Variants in TRPC4 observed in about 807,000 individuals in gnomAD.
TRPC4 encodes short transient receptor potential channel 4.
In TRPC4, 49 loss-of-function variants were observed where a neutral mutation model predicts 99.4. The observed-to-expected ratio is 0.49, with a 90% CI of 0.39 to 0.63. The LOEUF (loss-of-function observed/expected upper bound fraction) is 0.63, where lower values mean the gene tolerates loss of function less well. TRPC4 is among the 20% of genes least tolerant of loss of function. The probability of loss-of-function intolerance (pLI) is 0.00; values close to 1 mark genes in which losing one functional copy is unlikely to be tolerated. For synonymous variants in TRPC4, 454 were observed against 425.9 expected (o/e 1.07, Z -0.81); for missense variants, 898 against 1,152.9 (o/e 0.78, Z 3.20).
At chr13:37,757,516 G>A (rs561148259) in intron 2 of TRPC4, among the ~76,000 whole-genome samples, 3 of 151,856 alleles carry the variant, frequency 2.0e-5, no homozygotes, top group South Asian at 2.1e-4. Context: ...AAAATTCGGA[G>A]GACTTTCTGG....
At chr13:37,668,037 G>A (rs867914343) in intron 5 of TRPC4, among the ~76,000 whole-genome samples, 29 of 152,192 alleles carry the variant, frequency 1.9e-4, no homozygotes, top group Admixed American at 1.2e-3. Flanking sequence ...ATCAAGCCAT[G>A]CTAATCCTTT....
intron 2 of TRPC4, among the ~76,000 whole-genome samples, chr13:37,757,162 A>T (rs1332128866): frequency 6.6e-6 from 1 of 152,100 alleles, no homozygotes; most frequent in Admixed American, 6.6e-5. Flanking sequence ...GAAGATAATT[A>T]GACTACTTTT....
intron 3 of TRPC4, among the ~76,000 whole-genome samples, chr13:37,728,208 G>GA (rs58297762): frequency 3.4e-5 from 5 of 146,364 alleles, no homozygotes; most frequent in South Asian, 2.2e-4. Flanking sequence ...ATGTGAAAAA[G>GA]AAAAAAAAAA....
chr13:37,792,723 TTGTGTG>T (rs57918365), intron 1 of TRPC4, among the ~76,000 whole-genome samples: 34,083 of 146,038 alleles, frequency 0.23, 4,014 homozygotes, highest in Middle Eastern at 0.36. Flanking sequence ...GCTTCTAAAT[TTGTGTG>T]TGTGTGTGTG....
At chr13:37,803,450 A>G (rs1957455774) in intron 1 of TRPC4, among the ~76,000 whole-genome samples, 1 of 152,074 alleles carries the variant, frequency 6.6e-6, no homozygotes, top group East Asian at 1.9e-4. Context: ...ACACATCCTT[A>G]CACACACAAA....
chr13:37,830,901 CA>C (rs1322524276), intron 1 of TRPC4, among the ~76,000 whole-genome samples: 1 of 150,470 alleles, frequency 6.6e-6, no homozygotes, highest in Non-Finnish European at 1.5e-5. Flanking sequence ...GAAGTAGTAT[CA>C]TATCATATGA....
At chr13:37,817,825 C>A (rs894362942) in intron 1 of TRPC4, among the ~76,000 whole-genome samples, 2 of 151,950 alleles carry the variant, frequency 1.3e-5, no homozygotes, top group African/African-American at 2.4e-5. Context: ...GGATAATAGG[C>A]TAGCCATATG....
In TRPC4 at chr13:37,653,216, C is replaced by T. The variant is rs543248119; in HGVS notation, c.1885-1757G>A. On this transcript the variant is annotated intron_variant, in intron 7 of 10. Transcript: ENST00000379705. ...AGGGACTTTTTAATTCTTTGTATCC[C>T]GAAAATTAAGCATGTTTATGGCATA... Among the ~76,000 whole-genome samples, 673 of 151,864 alleles carry T rather than the reference C, an allele frequency of 4.4e-3. 2 individuals are homozygous for T. The highest frequency in any genetic ancestry group is 0.015 in the African/African-American group (624 of 41,402).
At chr13:37,720,886 T>A (rs531978022) in intron 3 of TRPC4, among the ~76,000 whole-genome samples, 1 of 152,292 alleles carries the variant, frequency 6.6e-6, no homozygotes, top group South Asian at 2.1e-4. Flanking sequence ...TGCAGTCTAA[T>A]CTCTAAACAC....
At chr13:37,739,929 C>G (rs918096061) in intron 3 of TRPC4, among the ~76,000 whole-genome samples, 3 of 152,038 alleles carry the variant, frequency 2.0e-5, no homozygotes, top group Admixed American at 2.0e-4. Flanking sequence ...TTAGACATCC[C>G]AGATTAAAGA....
In TRPC4 at chr13:37,753,575, A is replaced by G. The variant is rs7491635; in HGVS notation, c.379-7120T>C. ...AGAGAAAGAAAGAGAGAGAGAGAGA[A>G]AGAGAGAGAGAGAGAGAGAGAGAGA... On this transcript the variant is annotated intron_variant, in intron 2 of 10. Coordinates refer to ENST00000379705, the MANE Select transcript of TRPC4 (RefSeq NM_016179.4). Among the ~76,000 whole-genome samples, 1,290 of 137,330 alleles carry G rather than the reference A, an allele frequency of 9.4e-3. 16 individuals are homozygous for G. The highest frequency in any genetic ancestry group is 0.048 in the Middle Eastern group (12 of 252). The allele number at this position is 137,330 out of a possible 152,430, so 90.1% of individuals were successfully genotyped here.
At chr13:37,792,936 T>C (rs778644271) in intron 1 of TRPC4, among the ~76,000 whole-genome samples, 33 of 149,274 alleles carry the variant, frequency 2.2e-4, no homozygotes, top group Non-Finnish European at 3.7e-4. Flanking sequence ...GTTTTTGCTG[T>C]TGTTGCAGTG....
Position 37,746,174 on chromosome 13 carries a change from G to A in TRPC4, c.660C>T (p.Ala220=). The change falls in exon 3 of 11, where the codon GCC becomes GCT. Residue 220 remains alanine (A), a synonymous_variant. Coordinates refer to ENST00000379705, the MANE Select transcript of TRPC4 (RefSeq NM_016179.4). Reference sequence around the variant, plus strand: ...CCTGAAGTTCCCAACTTAACTGAAAGGCTGTGAGAAAAGGATCTTCGCTTG... The same window carrying A: ...CCTGAAGTTCCCAACTTAACTGAAAAGCTGTGAGAAAAGGATCTTCGCTTG... ...ALSSEDPFLT[A]FQLSWELQEL... is the part of the protein sequence containing the mutation. 1.2e-6 allele frequency: 2 copies of A among 1,613,854 alleles called. No individual in the cohort carries two copies. The highest frequency in any genetic ancestry group is 1.7e-6 in the Non-Finnish European group (2 of 1,179,870).
chr13:37,665,534 G>C (rs1000446351), intron 5 of TRPC4, among the ~76,000 whole-genome samples: 1 of 152,008 alleles, frequency 6.6e-6, no homozygotes, highest in Non-Finnish European at 1.5e-5. Context: ...TTCATAGCCC[G>C]GTGAGGCAGA....
At chr13:37,706,682 T>C (rs1046449012) in intron 3 of TRPC4, among the ~76,000 whole-genome samples, 5 of 142,688 alleles carry the variant, frequency 3.5e-5, no homozygotes, top group African/African-American at 1.3e-4. Context: ...CCTGTGTCCA[T>C]GTGTTCTCAT....
chr13:37,678,759 T>C (rs1226043680), intron 4 of TRPC4, among the ~76,000 whole-genome samples: 2 of 152,122 alleles, frequency 1.3e-5, no homozygotes, highest in African/African-American at 4.8e-5. Context: ...AGTATTACAC[T>C]GATAAACAAT....
intron 1 of TRPC4, among the ~76,000 whole-genome samples, chr13:37,797,979 T>C (rs1001568614): frequency 6.6e-6 from 1 of 152,196 alleles, no homozygotes; most frequent in African/African-American, 2.4e-5. Flanking sequence ...CTTTAGCATA[T>C]TGGCACTTAG....
chr13:37,804,690 G>A (rs1957485032), intron 1 of TRPC4, among the ~76,000 whole-genome samples: 1 of 151,958 alleles, frequency 6.6e-6, no homozygotes. Flanking sequence ...TCACAGACAA[G>A]GTCAATAACA....
chr13:37,834,167 CAT>C, intron 1 of TRPC4, among the ~76,000 whole-genome samples: 1 of 151,786 alleles, frequency 6.6e-6, no homozygotes, highest in East Asian at 1.9e-4. Flanking sequence ...TCACTTAAAA[CAT>C]AAACACTGTT....
Sources: gnomAD v4.1 joint callset for allele counts (sites outside exome capture counted in the v4.1 genomes callset) on GRCh38, gnomAD v4.1.1 for gene constraint, MANE v1.5 for transcripts, NCBI Gene and HGNC (gene_info 2026-07-23, HGNC 2026-07-21) for gene names.